Variants in RABGAP1L observed in about 807,000 individuals in gnomAD.
RABGAP1L encodes rab GTPase-activating protein 1-like.
RABGAP1L carries 63 observed loss-of-function variants against 137.7 expected under a neutral mutation model. The ratio of observed to expected loss-of-function variants is 0.46; its 90% CI spans 0.37 to 0.56. The LOEUF (loss-of-function observed/expected upper bound fraction) is 0.56, where lower values mean the gene tolerates loss of function less well. Among genes scored for constraint, RABGAP1L ranks in the 20% least tolerant of loss-of-function variants. RABGAP1L has a pLI of 0.00. For missense variants in RABGAP1L, 1,095 were observed against 1,244.0 expected (o/e 0.88, Z 1.80); for synonymous variants, 431 against 433.7 (o/e 0.99, Z 0.08).
chr1:174,947,628 C>T (rs1261035573), intron 19 of RABGAP1L, among the ~76,000 whole-genome samples: 1 of 151,760 alleles, frequency 6.6e-6, no homozygotes, highest in Non-Finnish European at 1.5e-5. Context: ...CCATGTTGGC[C>T]AGGCTGGTCT....
At chr1:174,679,594 G>A (rs569120838) in intron 14 of RABGAP1L, among the ~76,000 whole-genome samples, 71 of 152,296 alleles carry the variant, frequency 4.7e-4, no homozygotes, top group African/African-American at 1.7e-3. Context: ...ACTGGAGTCA[G>A]TGCAGTAGGG....
intron 19 of RABGAP1L, among the ~76,000 whole-genome samples, chr1:174,901,858 TG>T (rs2149161281): frequency 6.6e-6 from 1 of 152,344 alleles, no homozygotes; most frequent in Admixed American, 6.5e-5. Flanking sequence ...GTGAGGTTTT[TG>T]TGGGGTCTTT....
intron 13 of RABGAP1L, among the ~76,000 whole-genome samples, chr1:174,574,925 A>AGTTT (rs561421555): frequency 2.6e-5 from 4 of 152,012 alleles, no homozygotes; most frequent in Admixed American, 6.6e-5. Context: ...TTCTTTGAAA[A>AGTTT]GTTTGTTTGT....
At position 174,412,397 on chromosome 1, in the gene RABGAP1L, T is replaced by C. The variant is rs180679383; in HGVS notation, c.1710+18252T>C. 5.9e-5 allele frequency among the ~76,000 whole-genome samples: 9 copies of C among 152,236 alleles called. No individual in the cohort carries two copies. The East Asian group carries it at 1.5e-3, about 26-fold the overall frequency. On this transcript the variant is annotated intron_variant, in intron 13 of 25. Transcript: ENST00000681986. ...GGGTCTCTTGAAGACAGCAGATGTATGAATCTTTTTATCCAACTTGTGATT... is the reference window on the plus strand; with the variant it reads ...GGGTCTCTTGAAGACAGCAGATGTACGAATCTTTTTATCCAACTTGTGATT...
At chr1:174,301,497 A>C (rs1431098731) in intron 10 of RABGAP1L, among the ~76,000 whole-genome samples, 1 of 151,710 alleles carries the variant, frequency 6.6e-6, no homozygotes, top group East Asian at 2.0e-4. Flanking sequence ...AGCAGAGGGC[A>C]GAGGGCCACA....
chr1:174,777,674 G>A (rs1400042931), intron 18 of RABGAP1L, among the ~76,000 whole-genome samples: 2 of 152,026 alleles, frequency 1.3e-5, no homozygotes, highest in South Asian at 2.1e-4. Flanking sequence ...AAAAAAATAA[G>A]TAAAGAAATG....
intron 18 of RABGAP1L, among the ~76,000 whole-genome samples, chr1:174,781,161 G>T (rs1477710729): frequency 6.6e-6 from 1 of 152,106 alleles, no homozygotes; most frequent in African/African-American, 2.4e-5. Flanking sequence ...TTCCACAATG[G>T]TTGAACTAGT....
At chr1:174,694,871 G>C (rs1484249372) in intron 15 of RABGAP1L, among the ~76,000 whole-genome samples, 2 of 151,446 alleles carry the variant, frequency 1.3e-5, no homozygotes, top group Non-Finnish European at 3.0e-5. Flanking sequence ...GTTGTTTCCT[G>C]ACTTTTTAAT....
intron 21 of RABGAP1L, among the ~76,000 whole-genome samples, chr1:174,971,313 T>G (rs913575033): frequency 6.6e-6 from 1 of 151,608 alleles, no homozygotes; most frequent in Non-Finnish European, 1.5e-5. Flanking sequence ...AAAAAATTAT[T>G]ATCTTAAAAA....
chr1:174,964,938 T>G (rs1669485272), intron 20 of RABGAP1L: 1 of 1,506,942 alleles, frequency 6.6e-7, no homozygotes, highest in East Asian at 2.5e-5. Flanking sequence ...TTTAATTGTC[T>G]TTGTACCTAT....
intron 19 of RABGAP1L, among the ~76,000 whole-genome samples, chr1:174,955,381 G>A (rs1668364376): frequency 6.6e-6 from 1 of 152,174 alleles, no homozygotes; most frequent in South Asian, 2.1e-4. Context: ...GTACTTCATA[G>A]TGTTCCTGGA....
intron 13 of RABGAP1L, among the ~76,000 whole-genome samples, chr1:174,628,228 A>G (rs1389104640): frequency 6.6e-6 from 1 of 152,192 alleles, no homozygotes; most frequent in Non-Finnish European, 1.5e-5. Flanking sequence ...AGGACACATA[A>G]AATACATGAT....
chr1:174,697,845 G>A (rs1557994522), intron 15 of RABGAP1L, among the ~76,000 whole-genome samples: 1 of 152,166 alleles, frequency 6.6e-6, no homozygotes, highest in Non-Finnish European at 1.5e-5. Flanking sequence ...AATAGCTGAG[G>A]TCAGTGGCCA....
chr1:174,381,189 G>T (rs1045725272), intron 12 of RABGAP1L, among the ~76,000 whole-genome samples: 3 of 144,304 alleles, frequency 2.1e-5, no homozygotes, highest in Non-Finnish European at 4.5e-5. Context: ...TACATTTGCT[G>T]AGGAGAGCTT....
At chr1:174,491,594 A>G (rs1386744963) in intron 13 of RABGAP1L, among the ~76,000 whole-genome samples, 1 of 152,080 alleles carries the variant, frequency 6.6e-6, no homozygotes, top group Non-Finnish European at 1.5e-5. Context: ...CTGGTGTCTC[A>G]GTAAGTTACA....
intron 18 of RABGAP1L, among the ~76,000 whole-genome samples, chr1:174,803,242 TAATA>T (rs1688929502): frequency 6.6e-6 from 1 of 152,208 alleles, no homozygotes; most frequent in Non-Finnish European, 1.5e-5. Context: ...GTTACTGATA[TAATA>T]GAGGATGCAC....
chr1:174,429,616 G>A (rs1156615506), intron 13 of RABGAP1L, among the ~76,000 whole-genome samples: 2 of 152,078 alleles, frequency 1.3e-5, no homozygotes, highest in East Asian at 3.9e-4. Context: ...GTGGGCACCT[G>A]TAATCCCAGC....
intron 11 of RABGAP1L, among the ~76,000 whole-genome samples, chr1:174,355,552 A>G (rs1162574826): frequency 6.6e-6 from 1 of 151,962 alleles, no homozygotes; most frequent in Non-Finnish European, 1.5e-5. Flanking sequence ...AACATGGCAC[A>G]TGTATACATA....
intron 13 of RABGAP1L, among the ~76,000 whole-genome samples, chr1:174,542,299 A>G (rs917409408): frequency 1.3e-5 from 2 of 152,154 alleles, no homozygotes; most frequent in African/African-American, 4.8e-5. Flanking sequence ...CAGGGATTCA[A>G]CTTCTTCCTG....
Sources: allele counts gnomAD v4.1 joint callset (sites outside exome capture counted in the v4.1 genomes callset), GRCh38; gene constraint gnomAD v4.1.1; transcripts MANE v1.5; gene names NCBI Gene and HGNC (gene_info 2026-07-23, HGNC 2026-07-21).